The following C3orf70 variants were observed in gnomAD, a reference collection of about 807,000 sequenced individuals.
C3orf70 encodes chromosome 3 open reading frame 70.
C3orf70 carries 15 observed loss-of-function variants against 20.7 expected under a neutral mutation model. The observed-to-expected ratio is 0.72, with a 90% CI of 0.48 to 1.11. C3orf70 has a LOEUF of 1.11. Ranked by LOEUF, C3orf70 falls within the 50% of genes most tolerant of loss-of-function variation. C3orf70 has a pLI of 0.00. For synonymous variants in C3orf70, 161 were observed against 125.7 expected, an observed-to-expected ratio of 1.28 and a Z score of -1.88; for missense variants, 332 against 317.6, an observed-to-expected ratio of 1.05 and a Z score of -0.34.
intron 1 of C3orf70, among the ~76,000 whole-genome samples, chr3:185,092,486 A>G (rs1561331650): frequency 6.6e-6 from 1 of 152,066 alleles, no homozygotes; most frequent in Non-Finnish European, 1.5e-5. Flanking sequence ...CTGTTTTTCA[A>G]ACTAATATTT....
chr3:185,152,097 C>T (rs2108609495), intron 1 of C3orf70, among the ~76,000 whole-genome samples: 1 of 152,344 alleles, frequency 6.6e-6, no homozygotes, highest in Non-Finnish European at 1.5e-5. Context: ...ATCCCTCCCA[C>T]ATTAGCGCTT....
chr3:185,142,859 C>A (rs762739649), intron 1 of C3orf70, among the ~76,000 whole-genome samples: 1 of 151,992 alleles, frequency 6.6e-6, no homozygotes, highest in Non-Finnish European at 1.5e-5. Context: ...AATCTAATCA[C>A]GATGAAACAA....
In C3orf70 at chr3:185,084,132, G is replaced by A. The variant is rs1323940752; in HGVS notation, c.197-569C>T. The stretch of plus-strand genomic sequence containing the variant: ...CCAGAAGCGGAGGTTGCAGTGAGCC[G>A]AGATCGTGCCACTGCACTCCAGCCT... On this transcript the variant is annotated intron_variant, in intron 1 of 1. Coordinates refer to ENST00000335012, the MANE Select transcript of C3orf70 (RefSeq NM_001025266.3). Among the ~76,000 whole-genome samples the A allele has an allele frequency of 4.6e-5, 7 of 151,582 alleles. 1 individual carries two copies. The East Asian group carries it at 7.8e-4, about 17-fold the overall frequency.
At chr3:185,110,990 T>G (rs189850739) in intron 1 of C3orf70, among the ~76,000 whole-genome samples, 1 of 152,218 alleles carries the variant, frequency 6.6e-6, no homozygotes, top group Non-Finnish European at 1.5e-5. Flanking sequence ...TCTGTGTGTG[T>G]GTCTTTAATT....
intron 1 of C3orf70, among the ~76,000 whole-genome samples, chr3:185,135,360 C>T (rs1171004574): frequency 1.3e-5 from 2 of 152,166 alleles, no homozygotes; most frequent in East Asian, 3.9e-4. Flanking sequence ...GTGGCTCATG[C>T]CTGTAATCCC....
At chr3:185,146,317 C>T (rs1041941687) in intron 1 of C3orf70, among the ~76,000 whole-genome samples, 39 of 109,396 alleles carry the variant, frequency 3.6e-4, no homozygotes, top group African/African-American at 1.2e-3. Context: ...GAGGGAGTTT[C>T]GCTCTTGTTG....
rs763920138 is a variant in C3orf70 at position 185,152,849 on chromosome 3, C to G, written c.-26G>C. 2.0e-6 allele frequency: 3 copies of G among 1,493,716 alleles called. No individual in the cohort carries two copies. In the East Asian group the frequency reaches 8.4e-5, roughly 42 times the overall value. The allele number at this position is 1,493,716 out of a possible 1,614,324, so 92.5% of individuals were successfully genotyped here. ...TTCCTCTCCCTCCGCGCGGAGCCGA[C>G]ACCGGGAGCCCGGGAGAAGCGACGT... On this transcript the variant is annotated 5_prime_UTR_variant, in exon 1 of 2. Transcript: ENST00000335012.
chr3:185,098,970 AAT>A (rs1577321446), intron 1 of C3orf70, among the ~76,000 whole-genome samples: 1 of 152,210 alleles, frequency 6.6e-6, no homozygotes, highest in East Asian at 1.9e-4. Flanking sequence ...CAGTCTCTAT[AAT>A]CACGTGAGCC....
At chr3:185,090,163 C>A (rs1429830457) in intron 1 of C3orf70, among the ~76,000 whole-genome samples, 3 of 152,182 alleles carry the variant, frequency 2.0e-5, no homozygotes, top group Admixed American at 2.0e-4. Context: ...TCATTCTCTG[C>A]CCTTAACTTC....
intron 1 of C3orf70, among the ~76,000 whole-genome samples, chr3:185,108,056 C>T (rs983081311): frequency 6.6e-6 from 1 of 152,150 alleles, no homozygotes; most frequent in South Asian, 2.1e-4. Flanking sequence ...GTCCCTCTCA[C>T]GAAGGCACAA....
chr3:185,145,957 A>G (rs1577336320), intron 1 of C3orf70, among the ~76,000 whole-genome samples: 4 of 152,284 alleles, frequency 2.6e-5, no homozygotes, highest in African/African-American at 9.6e-5. Context: ...AGAACCTATC[A>G]GCATTCTCTA....
At chr3:185,142,696 G>C (rs1047369260) in intron 1 of C3orf70, among the ~76,000 whole-genome samples, 1 of 151,990 alleles carries the variant, frequency 6.6e-6, no homozygotes, top group Non-Finnish European at 1.5e-5. Flanking sequence ...AAACCAAAGG[G>C]AAAAAAAGCA....
At chr3:185,104,076 G>A (rs1715875913) in intron 1 of C3orf70, among the ~76,000 whole-genome samples, 1 of 152,224 alleles carries the variant, frequency 6.6e-6, no homozygotes, top group African/African-American at 2.4e-5. Context: ...GATGACAGGA[G>A]TTTCTTATAA....
At chr3:185,097,056 A>G (rs1027215919) in intron 1 of C3orf70, among the ~76,000 whole-genome samples, 6 of 152,090 alleles carry the variant, frequency 3.9e-5, no homozygotes, top group African/African-American at 1.4e-4. Context: ...TCAGAGTTTA[A>G]TAATACTCTA....
Position 185,119,281 on chromosome 3 carries a change from T to A in C3orf70, c.196+33347A>T, listed in dbSNP as rs185877329. ...AGGGTACAAACTTGCAGTTTTAAGA[T>A]GAGTATGTTCTGGGGACTTAAAGTA... On this transcript the variant is annotated intron_variant, in intron 1 of 1. Coordinates refer to ENST00000335012, the MANE Select transcript of C3orf70 (RefSeq NM_001025266.3). 2.1e-3 allele frequency among the ~76,000 whole-genome samples: 318 copies of A among 152,262 alleles called. 4 individuals are homozygous for A. The highest frequency in any genetic ancestry group is 7.3e-3 in the African/African-American group (303 of 41,554).
chr3:185,106,563 T>G (rs990897330), intron 1 of C3orf70, among the ~76,000 whole-genome samples: 1 of 152,216 alleles, frequency 6.6e-6, no homozygotes, highest in African/African-American at 2.4e-5. Context: ...AGTGTCACTC[T>G]AAGTTTGATA....
intron 1 of C3orf70, among the ~76,000 whole-genome samples, chr3:185,107,384 C>T (rs1715966376): frequency 6.6e-6 from 1 of 152,102 alleles, no homozygotes; most frequent in Admixed American, 6.5e-5. Context: ...AATTATATAG[C>T]CCTCAAAGGC....
intron 1 of C3orf70, among the ~76,000 whole-genome samples, chr3:185,100,695 C>G (rs1715803395): frequency 6.6e-6 from 1 of 151,826 alleles, no homozygotes; most frequent in South Asian, 2.1e-4. Flanking sequence ...AAAATCAGAG[C>G]TGAACTAAAA....
At chr3:185,117,075 C>A (rs1334758037) in intron 1 of C3orf70, among the ~76,000 whole-genome samples, 2 of 152,158 alleles carry the variant, frequency 1.3e-5, no homozygotes, top group African/African-American at 4.8e-5. Flanking sequence ...GCCACCGCGC[C>A]CGGCCTGACC....
Sources: gnomAD v4.1 joint callset for allele counts (sites outside exome capture counted in the v4.1 genomes callset) on GRCh38, gnomAD v4.1.1 for gene constraint, MANE v1.5 for transcripts, NCBI Gene and HGNC (gene_info 2026-07-23, HGNC 2026-07-21) for gene names.